HOMEZ: variants seen among roughly 807,000 people sequenced by gnomAD.
The protein encoded by HOMEZ is homeobox and leucine zipper protein Homez.
In HOMEZ, 20 loss-of-function variants were observed where a neutral mutation model predicts 50.1. The observed-to-expected ratio is 0.40, with a 90% CI of 0.28 to 0.58. HOMEZ has a LOEUF of 0.58. HOMEZ is among the 20% of genes least tolerant of loss of function. The pLI is 0.46. For missense variants in HOMEZ, 579 were observed against 680.5 expected (o/e 0.85, Z 1.66); for synonymous variants, 239 against 254.7 (o/e 0.94, Z 0.59).
intron 1 of HOMEZ, among the ~76,000 whole-genome samples, chr14:23,281,733 G>A (rs1437216261): frequency 6.6e-6 from 1 of 151,640 alleles, no homozygotes; most frequent in Non-Finnish European, 1.5e-5. Flanking sequence ...GGAGGCCAAG[G>A]TGGGCAGATG....
rs1173848049 is a variant in HOMEZ at position 23,286,105 on chromosome 14, G to A, written c.-153C>T. 4.9e-6 allele frequency: 6 copies of A among 1,229,968 alleles called. No homozygotes were observed. Among genetic ancestry groups the A allele is most frequent in the African/African-American group, 1.6e-5 (1 of 64,350 alleles). The allele number at this position is 1,229,968 out of a possible 1,614,324, so 76.2% of individuals were successfully genotyped here. ...GGAGCGCGCCGGTCTACCCAGCCCT[G>A]CTCGAGCAAGTTGGAGGCGGGGCGG... On this transcript the variant is annotated 5_prime_UTR_variant, in exon 1 of 2. Transcript: ENST00000357460.
Position 23,276,342 on chromosome 14 carries a change from C to T in HOMEZ, c.886G>A (p.Ala296Thr), listed in dbSNP as rs1886356398. ...TTAGAGGCGGCAGTAGCTCCATTAG[C>T]CAGTACCTGGAAAGAAGAAGAGGTA... is the stretch of plus-strand genomic sequence containing the variant. ...SSTSSSFQVL[A>T]NGATAASKPL... The change falls in exon 2 of 2, where the codon GCT becomes ACT. Residue 296 changes from alanine to threonine, a missense_variant. Physicochemically the swap from Ala to Thr is moderately conservative, Grantham distance 58 (BLOSUM62 0). Coordinates refer to ENST00000357460, the MANE Select transcript of HOMEZ (RefSeq NM_020834.3). The surrounding 1 kb of genome is among the most constrained non-coding windows in gnomAD (Gnocchi z 4.1). The T allele has an allele frequency of 1.2e-6, 2 of 1,613,690 alleles. No homozygotes were observed. The highest frequency in any genetic ancestry group is 1.3e-5 in the African/African-American group (1 of 74,888).
intron 1 of HOMEZ, among the ~76,000 whole-genome samples, chr14:23,278,134 G>T (rs1402962036): frequency 6.7e-6 from 1 of 148,482 alleles, no homozygotes; most frequent in African/African-American, 2.5e-5. Flanking sequence ...CTGGTGGGTT[G>T]TTTTTTTTTA....
Position 23,275,693 on chromosome 14 carries a change from C to T in HOMEZ, c.1535G>A (p.Cys512Tyr), listed in dbSNP as rs762012988. The T allele has an allele frequency of 6.9e-6, 11 of 1,598,426 alleles. No individual in the cohort carries two copies. The highest frequency in any genetic ancestry group is 8.5e-6 in the Non-Finnish European group (10 of 1,172,328). ...RLPQPAEVVV[C>Y]LDEEEEEEEE... ...CTCCTCTTCCTCTTCTTCATCTAGA[C>T]AAACTACCACCTCAGCTGGCTGAGG... Residue 512 changes from cysteine (C) to tyrosine (Y), a missense_variant, in exon 2 of 2, where the codon TGT (cysteine) becomes TAT (tyrosine). By Grantham distance (194) the Cys-to-Tyr change is radical (BLOSUM62 -2). Coordinates refer to ENST00000357460, the MANE Select transcript of HOMEZ (RefSeq NM_020834.3).
chr14:23,276,162 G>A lies in HOMEZ; in HGVS notation c.1066C>T (p.Arg356Cys), dbSNP rs200450330. The change falls in exon 2 of 2, where the codon CGC becomes TGC. Residue 356 changes from arginine (R) to cysteine (C), a missense_variant. Arg to Cys is a radical substitution (Grantham distance 180). Coordinates refer to ENST00000357460, the MANE Select transcript of HOMEZ (RefSeq NM_020834.3). The surrounding 1 kb of genome is among the most constrained non-coding windows in gnomAD (Gnocchi z 4.1). ...PTEYLSPDMQ[R>C]QRKTKRKTKE... ...GTTTTGCGCTTGGTCTTTCGCTGGC[G>A]TTGCATATCTGGGGAAAGGTACTCT... 280 of 1,613,798 alleles carry A rather than the reference G, an allele frequency of 1.7e-4. No homozygotes were observed. The highest frequency in any genetic ancestry group is 2.4e-4 in the African/African-American group (18 of 74,922).
At chr14:23,284,185 G>A (rs1886613722) in intron 1 of HOMEZ, among the ~76,000 whole-genome samples, 1 of 152,178 alleles carries the variant, frequency 6.6e-6, no homozygotes, top group African/African-American at 2.4e-5. Context: ...CTGCCAAGAA[G>A]CCAGGTTAAG....
intron 1 of HOMEZ, among the ~76,000 whole-genome samples, chr14:23,278,180 G>T (rs1886411062): frequency 6.6e-6 from 1 of 152,064 alleles, no homozygotes; most frequent in African/African-American, 2.4e-5. Flanking sequence ...AGGCCACCCA[G>T]GCTGGAGTGC....
intron 1 of HOMEZ, among the ~76,000 whole-genome samples, chr14:23,279,825 T>A (rs1215927520): frequency 2.6e-5 from 4 of 152,178 alleles, no homozygotes; most frequent in African/African-American, 9.7e-5. Context: ...TTGCCCAGGC[T>A]GGCGTGCTAT....
chr14:23,284,425 C>A (rs1325750657), intron 1 of HOMEZ, among the ~76,000 whole-genome samples: 1 of 152,182 alleles, frequency 6.6e-6, no homozygotes, highest in Non-Finnish European at 1.5e-5. Flanking sequence ...TGACCAATAC[C>A]CACAGTACAC....
rs1011258558 is a variant in HOMEZ, at chr14:23,275,564, C to G, written c.*11G>C. The G allele has an allele frequency of 1.3e-6, 2 of 1,536,434 alleles. No homozygotes were observed. Among genetic ancestry groups the G allele is most frequent in the Non-Finnish European group, 1.8e-6 (2 of 1,138,166 alleles). ...TTTCAGTAACAGACCTCCCCTCCCC[C>G]AGCTCCCCACTCAGTCTTGTATGAT... On this transcript the variant is annotated 3_prime_UTR_variant, in exon 2 of 2. Coordinates refer to ENST00000357460, the MANE Select transcript of HOMEZ (RefSeq NM_020834.3).
chr14:23,285,866 C>T (rs1388277372), intron 1 of HOMEZ, 47 bp downstream of exon 1: 54 of 1,108,030 alleles, frequency 4.9e-5, no homozygotes, highest in Middle Eastern at 2.2e-4. Flanking sequence ...GGTGGGAGAC[C>T]GTACACGAGC....
Position 23,273,531 on chromosome 14 carries a change from C to A in HOMEZ, c.*2044G>T, listed in dbSNP as rs1288483075. 1 of 152,216 alleles carries A rather than the reference C, an allele frequency of 6.6e-6. No individual in the cohort carries two copies. Among genetic ancestry groups the A allele is most frequent in the Non-Finnish European group, 1.5e-5 (1 of 68,030 alleles). The allele number at this position is 152,216 out of a possible 1,614,324, so 9.4% of individuals were successfully genotyped here. A position where few individuals can be genotyped will look rare whatever the true frequency, so the allele number is the denominator to read the frequency against. On this transcript the variant is annotated 3_prime_UTR_variant, in exon 2 of 2. Coordinates refer to ENST00000357460, the MANE Select transcript of HOMEZ (RefSeq NM_020834.3). ...GTGGAATGGGCGAACAACACTATCA[C>A]TGAGATCAAACATGTATTCTACTTT...
Position 23,273,068 on chromosome 14 carries a change from T to G in HOMEZ, c.*2507A>C. 2.4e-6 allele frequency: 1 copy of G among 425,098 alleles called. No individual in the cohort carries two copies. 26.3% of individuals were successfully genotyped at this position (425,098 alleles called of 1,614,324 possible). A position where few individuals can be genotyped will look rare whatever the true frequency, so the allele number is the denominator to read the frequency against. On this transcript the variant is annotated 3_prime_UTR_variant, in exon 2 of 2. Coordinates refer to ENST00000357460, the MANE Select transcript of HOMEZ (RefSeq NM_020834.3). ...CCCTTATCACCTCCCAGGACAGTGGTCAGGTCTTACAAAAGGCTAGTGCTT... is the reference window on the plus strand; with the variant it reads ...CCCTTATCACCTCCCAGGACAGTGGGCAGGTCTTACAAAAGGCTAGTGCTT...
chr14:23,272,905 T>C lies in HOMEZ; in HGVS notation c.*2670A>G. The C allele has an allele frequency of 6.8e-7, 1 of 1,472,336 alleles. No homozygotes were observed. Among genetic ancestry groups the C allele is most frequent in the Non-Finnish European group, 9.2e-7 (1 of 1,082,534 alleles). 91.2% of individuals were successfully genotyped at this position (1,472,336 alleles called of 1,614,324 possible). Reference sequence around the variant, plus strand: ...ACTTCTAGATAGATCATCTTCAAGATCTGATCTATACATGCTGCTGAAGGA... The same window carrying C: ...ACTTCTAGATAGATCATCTTCAAGACCTGATCTATACATGCTGCTGAAGGA... On this transcript the variant is annotated 3_prime_UTR_variant, in exon 2 of 2. Transcript: ENST00000357460.
rs1236449771 is a variant in HOMEZ, at chr14:23,280,720, A to ATTTTT, written c.41-3534_41-3533insAAAAA. Among the ~76,000 whole-genome samples the ATTTTT allele has an allele frequency of 3.1e-5, 2 of 65,052 alleles. 1 individual carries two copies. 42.7% of individuals were successfully genotyped at this position (65,052 alleles called of 152,430 possible). On this transcript the variant is annotated intron_variant, in intron 1 of 1. Coordinates refer to ENST00000357460, the MANE Select transcript of HOMEZ (RefSeq NM_020834.3). ...ATTTTTATATTTTTATTTTTATTTT[A>ATTTTT]TTTTATTTTATTTTATTTTATTATT...
chr14:23,279,584 CT>C (rs1273660955), intron 1 of HOMEZ, among the ~76,000 whole-genome samples: 1 of 152,108 alleles, frequency 6.6e-6, no homozygotes, highest in African/African-American at 2.4e-5. Context: ...AAAAAGGTTG[CT>C]TTACAAGGAA....
At position 23,275,553 on chromosome 14, in the gene HOMEZ, C is replaced by T. The variant is rs367686771; in HGVS notation, c.*22G>A. 13 of 1,525,738 alleles carry T rather than the reference C, an allele frequency of 8.5e-6. No individual in the cohort carries two copies. Among genetic ancestry groups the T allele is most frequent in the Non-Finnish European group, 9.7e-6 (11 of 1,133,702 alleles). The allele number at this position is 1,525,738 out of a possible 1,614,324, so 94.5% of individuals were successfully genotyped here. ...GTTGGTTCATCTTTCAGTAACAGACCTCCCCTCCCCCAGCTCCCCACTCAG... is the reference window on the plus strand; with the variant it reads ...GTTGGTTCATCTTTCAGTAACAGACTTCCCCTCCCCCAGCTCCCCACTCAG... On this transcript the variant is annotated 3_prime_UTR_variant, in exon 2 of 2. Transcript: ENST00000357460.
Position 23,275,156 on chromosome 14 carries a change from G to A in HOMEZ, c.*419C>T, listed in dbSNP as rs949824219. ...GCCTTATATTCCAGGTAAGATGGTG[G>A]GATTGGGGATGCACTGGAATCATCA... On this transcript the variant is annotated 3_prime_UTR_variant, in exon 2 of 2. Coordinates refer to ENST00000357460, the MANE Select transcript of HOMEZ (RefSeq NM_020834.3). 1 of 168,864 alleles carries A rather than the reference G, an allele frequency of 5.9e-6. No homozygotes were observed. The highest frequency in any genetic ancestry group is 1.2e-5 in the Non-Finnish European group (1 of 80,120). 10.5% of individuals were successfully genotyped at this position (168,864 alleles called of 1,614,324 possible). A position where few individuals can be genotyped will look rare whatever the true frequency, so the allele number is the denominator to read the frequency against.
chr14:23,276,258 G>A lies in HOMEZ; in HGVS notation c.970C>T (p.Pro324Ser). ...GGCCAGGCTGGTTCCAGATGTGGGG[G>A]TAATGCCTGTTCACTGGGTGACACT... ...QSVSPSEQAL[P>S]PHLEPAWPQG... The change falls in exon 2 of 2, where the codon CCC becomes TCC. Residue 324 changes from proline (P) to serine (S), a missense_variant. Physicochemically the swap from Pro to Ser is moderately conservative, Grantham distance 74 (BLOSUM62 -1). Transcript: ENST00000357460. This position sits in a 1 kb window ranked among gnomAD's most constrained non-coding sequence, Gnocchi z 4.1. 6.2e-7 allele frequency: 1 copy of A among 1,613,988 alleles called. No homozygotes were observed. Among genetic ancestry groups the A allele is most frequent in the Non-Finnish European group, 8.5e-7 (1 of 1,179,898 alleles).
Sources: allele counts gnomAD v4.1 joint callset (sites outside exome capture counted in the v4.1 genomes callset), GRCh38; gene constraint gnomAD v4.1.1; non-coding constraint Gnocchi (gnomAD v3.1); transcripts MANE v1.5; gene names NCBI Gene and HGNC (gene_info 2026-07-23, HGNC 2026-07-21).